The following SPOCK1 variants were observed in gnomAD, a reference collection of about 807,000 sequenced individuals.
SPOCK1 encodes the protein SPARC (osteonectin), cwcv and kazal like domains proteoglycan 1, also known as testican-1.
SPOCK1 carries 23 observed loss-of-function variants against 55.3 expected under a neutral mutation model. The ratio of observed to expected loss-of-function variants is 0.42; its 90% CI spans 0.30 to 0.59. The LOEUF (loss-of-function observed/expected upper bound fraction) is 0.59. Among genes scored for constraint, SPOCK1 ranks in the 20% least tolerant of loss-of-function variants. The pLI, the probability that SPOCK1 is intolerant of heterozygous loss-of-function variation, is 0.22. For synonymous variants in SPOCK1, 226 were observed against 221.0 expected (o/e 1.02, Z -0.20); for missense variants, 499 against 552.5 (o/e 0.90, Z 0.97).
At chr5:137,227,564 TGA>T (rs1755969102) in intron 3 of SPOCK1, among the ~76,000 whole-genome samples, 2 of 152,174 alleles carry the variant, frequency 1.3e-5, no homozygotes, top group Admixed American at 1.3e-4. Flanking sequence ...TACCAGGCAT[TGA>T]GAATTGCAAA....
At chr5:137,160,595 TATATTA>T (rs1374843882) in intron 3 of SPOCK1, among the ~76,000 whole-genome samples, 3 of 76,226 alleles carry the variant, frequency 3.9e-5, no homozygotes, top group African/African-American at 5.4e-5. Flanking sequence ...TAATATATAA[TATATTA>T]TATATAATAT....
rs74720795 is a variant in SPOCK1, at chr5:137,363,736, G to C, written c.187-96681C>G. On this transcript the variant is annotated intron_variant, in intron 2 of 10. Coordinates refer to ENST00000394945, the MANE Select transcript of SPOCK1 (RefSeq NM_004598.4). ...ATACAGGGGGATAAATAGAAATGGA[G>C]ACTTTTTGAAATAACTTCAGTGAAA... Among the ~76,000 whole-genome samples the C allele has an allele frequency of 1.4e-3, 220 of 152,316 alleles. 1 individual carries two copies. Among genetic ancestry groups the C allele is most frequent in the African/African-American group, 5.1e-3 (210 of 41,566 alleles).
rs149462802 is a variant in SPOCK1 at position 136,986,569 on chromosome 5, T to G, written c.929-1367A>C. Among the ~76,000 whole-genome samples, 1,113 of 152,224 alleles carry G rather than the reference T, an allele frequency of 7.3e-3. 17 individuals carry two copies. Among genetic ancestry groups the G allele is most frequent in the Admixed American group, 0.018 (276 of 15,290 alleles). ...GAGAAAAATTATCACTATTTGCAGA[T>G]GATATGATTGCACACCCGAAAAATC... On this transcript the variant is annotated intron_variant, in intron 8 of 10. Coordinates refer to ENST00000394945, the MANE Select transcript of SPOCK1 (RefSeq NM_004598.4).
At chr5:137,281,796 G>T (rs770373120) in intron 2 of SPOCK1, among the ~76,000 whole-genome samples, 3 of 152,176 alleles carry the variant, frequency 2.0e-5, no homozygotes, top group Non-Finnish European at 4.4e-5. Context: ...GAACAATACC[G>T]TGTGGGTTAT....
chr5:137,139,755 A>G (rs1404415398), intron 4 of SPOCK1, among the ~76,000 whole-genome samples: 6 of 152,110 alleles, frequency 3.9e-5, no homozygotes, highest in African/African-American at 1.2e-4. Flanking sequence ...CAGAATATGC[A>G]CTGAAATTGC....
At chr5:137,230,126 C>T (rs750206522) in intron 3 of SPOCK1, among the ~76,000 whole-genome samples, 52 of 152,234 alleles carry the variant, frequency 3.4e-4, no homozygotes, top group Non-Finnish European at 4.1e-4. Context: ...TATATGCAAA[C>T]ATCTTTTGGC....
intron 2 of SPOCK1, among the ~76,000 whole-genome samples, chr5:137,282,189 G>A (rs922148781): frequency 1.3e-5 from 2 of 152,204 alleles, no homozygotes. Context: ...GCCTTACGCT[G>A]ATAACAGAGT....
At chr5:137,042,372 T>C (rs925318386) in intron 6 of SPOCK1, among the ~76,000 whole-genome samples, 4 of 152,272 alleles carry the variant, frequency 2.6e-5, no homozygotes, top group Middle Eastern at 6.8e-3. Context: ...TTTGTTATGA[T>C]ACAATAAGGG....
intron 2 of SPOCK1, among the ~76,000 whole-genome samples, chr5:137,271,283 T>G (rs927163345): frequency 2.0e-4 from 30 of 151,214 alleles, no homozygotes; most frequent in African/African-American, 7.0e-4. Context: ...CGATGGCTGG[T>G]GCAAAGGAAT....
intron 2 of SPOCK1, among the ~76,000 whole-genome samples, chr5:137,387,387 G>A (rs1175854670): frequency 6.6e-6 from 1 of 152,160 alleles, no homozygotes; most frequent in South Asian, 2.1e-4. Context: ...GCCAAAACTT[G>A]GAAGCAACCA....
At chr5:137,366,569 G>A (rs978742546) in intron 2 of SPOCK1, among the ~76,000 whole-genome samples, 1 of 152,158 alleles carries the variant, frequency 6.6e-6, no homozygotes, top group African/African-American at 2.4e-5. Flanking sequence ...TTGCCTAGGA[G>A]GTCAAAGCTG....
rs550130274 is a variant in SPOCK1, at chr5:136,978,529, T to C, written c.*125A>G. ...GAACAAGCAGTTGTCTTCCAAACCT[T>C]AGGTCGGGTATAGAGAGCAACAATG... is the stretch of plus-strand genomic sequence containing the variant. On this transcript the variant is annotated 3_prime_UTR_variant, in exon 11 of 11. Transcript: ENST00000394945. 1.0e-6 allele frequency: 1 copy of C among 971,796 alleles called. No homozygotes were observed. Among genetic ancestry groups the C allele is most frequent in the African/African-American group, 1.7e-5 (1 of 60,406 alleles). The allele number at this position is 971,796 out of a possible 1,614,324, so 60.2% of individuals were successfully genotyped here. A position where few individuals can be genotyped will look rare whatever the true frequency, so the allele number is the denominator to read the frequency against.
intron 2 of SPOCK1, among the ~76,000 whole-genome samples, chr5:137,372,816 T>G (rs1161871728): frequency 6.6e-6 from 1 of 152,226 alleles, no homozygotes; most frequent in Admixed American, 6.5e-5. Context: ...AAAAAAAGCC[T>G]GGAGGTGAGC....
chr5:137,305,614 A>T (rs1646928884), intron 2 of SPOCK1, among the ~76,000 whole-genome samples: 1 of 152,136 alleles, frequency 6.6e-6, no homozygotes, highest in Non-Finnish European at 1.5e-5. Context: ...AATCTACACC[A>T]TCTCCTTGTC....
intron 2 of SPOCK1, among the ~76,000 whole-genome samples, chr5:137,362,861 C>T (rs750626281): frequency 6.6e-6 from 1 of 152,200 alleles, no homozygotes; most frequent in Non-Finnish European, 1.5e-5. Flanking sequence ...GTACTAAGCT[C>T]CTGACTTAGC....
intron 3 of SPOCK1, among the ~76,000 whole-genome samples, chr5:137,151,741 A>C (rs1423104755): frequency 6.6e-6 from 1 of 152,192 alleles, no homozygotes; most frequent in Non-Finnish European, 1.5e-5. Flanking sequence ...AGAGTTTTTC[A>C]GAGAACTGAC....
intron 3 of SPOCK1, among the ~76,000 whole-genome samples, chr5:137,253,803 C>T (rs1372164886): frequency 1.3e-5 from 2 of 152,252 alleles, no homozygotes; most frequent in South Asian, 2.1e-4. Context: ...GAATCCTCAA[C>T]TCCCTGTGAG....
At chr5:137,116,082 TA>T (rs1192636085) in intron 4 of SPOCK1, among the ~76,000 whole-genome samples, 1 of 152,112 alleles carries the variant, frequency 6.6e-6, no homozygotes, top group East Asian at 1.9e-4. Context: ...CAGCGAGCCC[TA>T]AATCCACCCC....
chr5:137,153,051 C>G (rs886277669), intron 3 of SPOCK1, among the ~76,000 whole-genome samples: 3 of 152,244 alleles, frequency 2.0e-5, no homozygotes, highest in Non-Finnish European at 4.4e-5. Flanking sequence ...CATGCCACCT[C>G]TCACCCAACA....
Sources: gnomAD v4.1 joint callset for allele counts (sites outside exome capture counted in the v4.1 genomes callset) on GRCh38, gnomAD v4.1.1 for gene constraint, MANE v1.5 for transcripts, NCBI Gene and HGNC (gene_info 2026-07-23, HGNC 2026-07-21) for gene names.